Variants in LPAR1 observed in about 807,000 individuals in gnomAD.
LPAR1 encodes LPA receptor 1.
LPAR1 carries 5 observed loss-of-function variants against 23.8 expected under a neutral mutation model. The observed-to-expected ratio is 0.21, with a 90% CI of 0.11 to 0.44. The LOEUF is 0.44. Among genes scored for constraint, LPAR1 ranks in the 20% least tolerant of loss-of-function variants. The probability of loss-of-function intolerance (pLI) is 0.99; values close to 1 mark genes in which losing one functional copy is unlikely to be tolerated. For synonymous variants in LPAR1, 160 were observed against 164.7 expected (o/e 0.97, Z 0.22); for missense variants, 311 against 482.8 (o/e 0.64, Z 3.33).
chr9:110,906,674 A>G (rs2091307596), intron 5 of LPAR1, among the ~76,000 whole-genome samples: 1 of 152,192 alleles, frequency 6.6e-6, no homozygotes. Context: ...ATTATGGCTC[A>G]TAACCAGTTA....
rs2078761980 is a variant in LPAR1 at position 110,874,895 on chromosome 9, T to G, written c.*526A>C. On this transcript the variant is annotated 3_prime_UTR_variant, in exon 6 of 6. Transcript: ENST00000683809. ...TGCATGCTTTCTAAACAAAAGATAA[T>G]TCCAACTTACAGTTTTCCTATGTAA... 6.5e-6 allele frequency: 1 copy of G among 152,672 alleles called. No individual in the cohort carries two copies. The highest frequency in any genetic ancestry group is 6.5e-5 in the Admixed American group (1 of 15,286). The allele number at this position is 152,672 out of a possible 1,614,324, so 9.5% of individuals were successfully genotyped here. A position where few individuals can be genotyped will look rare whatever the true frequency, so the allele number is the denominator to read the frequency against.
At chr9:110,962,892 G>A (rs1314580035) in intron 4 of LPAR1, among the ~76,000 whole-genome samples, 1 of 152,164 alleles carries the variant, frequency 6.6e-6, no homozygotes, top group Non-Finnish European at 1.5e-5. Flanking sequence ...TTAAAAGACA[G>A]AAATCCCCTG....
At chr9:110,929,948 C>T (rs1055648282) in intron 5 of LPAR1, among the ~76,000 whole-genome samples, 20 of 152,060 alleles carry the variant, frequency 1.3e-4, no homozygotes, top group Admixed American at 1.1e-3. Flanking sequence ...TTGCAAAGAA[C>T]GTAAACCCCT....
In LPAR1 at chr9:110,875,266, TG is replaced by T; in HGVS notation, c.*154del. On this transcript the variant is annotated 3_prime_UTR_variant, in exon 6 of 6. Transcript: ENST00000683809. The stretch of plus-strand genomic sequence containing the variant: ...AATTTTCAATATATATCAAGTCTTG[TG>T]GGGTCCAGGAACAAATACTGTCATT... 1 of 594,196 alleles carries T rather than the reference TG, an allele frequency of 1.7e-6. No homozygotes were observed. The allele number at this position is 594,196 out of a possible 1,614,324, so 36.8% of individuals were successfully genotyped here.
intron 2 of LPAR1, among the ~76,000 whole-genome samples, chr9:111,015,892 A>G (rs571260148): frequency 4.1e-4 from 62 of 151,782 alleles, no homozygotes; most frequent in African/African-American, 1.5e-3. Flanking sequence ...AAACCTTCCC[A>G]TGGTTCCCCA....
intron 5 of LPAR1, among the ~76,000 whole-genome samples, chr9:110,918,947 T>C (rs1230643007): frequency 6.6e-6 from 1 of 152,138 alleles, no homozygotes; most frequent in Non-Finnish European, 1.5e-5. Flanking sequence ...CCTAAGATGT[T>C]CCAAAATGAG....
At chr9:110,917,114 G>T (rs1307181241) in intron 5 of LPAR1, among the ~76,000 whole-genome samples, 1 of 149,974 alleles carries the variant, frequency 6.7e-6, no homozygotes, top group Non-Finnish European at 1.5e-5. Context: ...AAGGCGGGTG[G>T]ATCACCTGAG....
chr9:110,913,421 C>T lies in LPAR1; in HGVS notation c.793+28000G>A, dbSNP rs147144233. ...TAAAAGAAATTAAAATCAGTGCCAA[C>T]CTGTCATAATATACATACACACAAT... On this transcript the variant is annotated intron_variant, in intron 5 of 5. Transcript: ENST00000683809. Among the ~76,000 whole-genome samples the T allele has an allele frequency of 7.0e-3, 1,072 of 152,198 alleles. 7 individuals are homozygous for T. The highest frequency in any genetic ancestry group is 0.017 in the Middle Eastern group (5 of 294).
chr9:110,936,032 C>T (rs1461847713), intron 5 of LPAR1, among the ~76,000 whole-genome samples: 2 of 152,202 alleles, frequency 1.3e-5, no homozygotes, highest in Non-Finnish European at 2.9e-5. Context: ...TACAGTGAGG[C>T]AAGCTCCTCT....
chr9:110,979,584 A>T (rs2138852398), intron 2 of LPAR1, among the ~76,000 whole-genome samples: 1 of 152,254 alleles, frequency 6.6e-6, no homozygotes, highest in South Asian at 2.1e-4. Context: ...AACTGTAAGG[A>T]TATTAAAAAG....
intron 5 of LPAR1, among the ~76,000 whole-genome samples, chr9:110,930,864 G>A (rs1012564018): frequency 1.1e-4 from 16 of 152,032 alleles, no homozygotes; most frequent in African/African-American, 3.4e-4. Flanking sequence ...GCGGTGAACC[G>A]AGATCACGCC....
intron 4 of LPAR1, among the ~76,000 whole-genome samples, chr9:110,942,818 C>T (rs1220796983): frequency 2.0e-5 from 3 of 152,142 alleles, no homozygotes; most frequent in Admixed American, 6.5e-5. Context: ...CAATCTATGA[C>T]ATTTGAGAAT....
chr9:110,899,326 A>G (rs2087740973), intron 5 of LPAR1, among the ~76,000 whole-genome samples: 7 of 152,246 alleles, frequency 4.6e-5, no homozygotes, highest in Admixed American at 4.6e-4. Context: ...CCATTCAGTT[A>G]AAATGAAAAT....
At chr9:110,998,647 G>T (rs1245851218) in intron 2 of LPAR1, among the ~76,000 whole-genome samples, 2 of 152,176 alleles carry the variant, frequency 1.3e-5, no homozygotes, top group African/African-American at 2.4e-5. Flanking sequence ...TATATGACTT[G>T]ATCTGTAGCA....
At chr9:110,913,169 A>G (rs958787683) in intron 5 of LPAR1, among the ~76,000 whole-genome samples, 5 of 152,202 alleles carry the variant, frequency 3.3e-5, no homozygotes, top group Non-Finnish European at 7.3e-5. Context: ...ACCATCTGGG[A>G]TATAATAGAT....
chr9:110,960,164 C>T (rs1406599303), intron 4 of LPAR1, among the ~76,000 whole-genome samples: 1 of 151,974 alleles, frequency 6.6e-6, no homozygotes, highest in African/African-American at 2.4e-5. Flanking sequence ...TAAAACATTC[C>T]CAACACATTG....
intron 4 of LPAR1, among the ~76,000 whole-genome samples, chr9:110,944,068 C>A (rs1180196939): frequency 6.6e-6 from 1 of 152,140 alleles, no homozygotes; most frequent in Admixed American, 6.6e-5. Flanking sequence ...GCTGTGCTCT[C>A]TCTCTCAACT....
chr9:111,015,055 G>A (rs1205229131), intron 2 of LPAR1, among the ~76,000 whole-genome samples: 3 of 152,092 alleles, frequency 2.0e-5, no homozygotes, highest in Non-Finnish European at 2.9e-5. Flanking sequence ...AGGTACAAAC[G>A]AAAAACCACA....
upstream of LPAR1, chr9:111,038,568 T>C: frequency 2.2e-6 from 1 of 450,002 alleles, no homozygotes; most frequent in South Asian, 1.6e-5. The surrounding 1 kb of genome is among the most constrained non-coding windows in gnomAD (Gnocchi z 4.4). Flanking sequence ...CCTTCCTTCT[T>C]TTCTGCTTGT....
Sources: gnomAD v4.1 joint callset for allele counts (sites outside exome capture counted in the v4.1 genomes callset) on GRCh38, gnomAD v4.1.1 for gene constraint, Gnocchi (gnomAD v3.1) non-coding constraint, MANE v1.5 for transcripts, NCBI Gene and HGNC (gene_info 2026-07-23, HGNC 2026-07-21) for gene names.